DYRK1A: variants seen among roughly 807,000 people sequenced by gnomAD.
The protein encoded by DYRK1A is dual specificity tyrosine phosphorylation regulated kinase 1A, also known as dual specificity tyrosine-phosphorylation-regulated kinase 1A.
DYRK1A carries 9 observed loss-of-function variants against 79.7 expected under a neutral mutation model. The ratio of observed to expected loss-of-function variants is 0.11; its 90% confidence interval spans 0.07 to 0.20. DYRK1A has a LOEUF of 0.20. Among genes scored for constraint, DYRK1A ranks in the 10% least tolerant of loss-of-function variants. The pLI is 1.00. For missense variants in DYRK1A, 622 were observed against 956.0 expected (o/e 0.65, Z 4.61); for synonymous variants, 349 against 329.7 (o/e 1.06, Z -0.63).
intron 5 of DYRK1A, among the ~76,000 whole-genome samples, chr21:37,482,314 G>T (rs1051238260): frequency 2.0e-5 from 3 of 152,052 alleles, no homozygotes; most frequent in South Asian, 2.1e-4. Flanking sequence ...AGCGTCGGCC[G>T]GTTTGAGAAA....
At chr21:37,437,838 C>T (rs2050971346) in intron 2 of DYRK1A, among the ~76,000 whole-genome samples, 1 of 152,110 alleles carries the variant, frequency 6.6e-6, no homozygotes, top group Non-Finnish European at 1.5e-5. Context: ...TTTGTATGGA[C>T]ATATGTTTTT....
At chr21:37,467,341 A>G (rs1025506163) in intron 2 of DYRK1A, among the ~76,000 whole-genome samples, 3 of 152,120 alleles carry the variant, frequency 2.0e-5, no homozygotes, top group African/African-American at 4.8e-5. Flanking sequence ...GTGATCCTCT[A>G]ACCTCAGCCT....
At chr21:37,511,570 T>G (rs566619373) in intron 11 of DYRK1A, among the ~76,000 whole-genome samples, 2 of 152,268 alleles carry the variant, frequency 1.3e-5, no homozygotes, top group South Asian at 4.2e-4. Context: ...AGTAAAGACT[T>G]CCTTTTGGAC....
At chr21:37,373,122 G>C (rs1325724042) in intron 1 of DYRK1A, among the ~76,000 whole-genome samples, 1 of 152,074 alleles carries the variant, frequency 6.6e-6, no homozygotes, top group African/African-American at 2.4e-5. Flanking sequence ...AATCCTTCCT[G>C]ACTACCACTC....
chr21:37,458,958 A>T (rs934904644), intron 2 of DYRK1A, among the ~76,000 whole-genome samples: 1 of 152,128 alleles, frequency 6.6e-6, no homozygotes, highest in Non-Finnish European at 1.5e-5. Flanking sequence ...CAGTCACTGA[A>T]TGTGCTTGCC....
At chr21:37,424,266 A>C (rs1301372440) in intron 2 of DYRK1A, among the ~76,000 whole-genome samples, 7 of 152,084 alleles carry the variant, frequency 4.6e-5, no homozygotes, top group Non-Finnish European at 1.0e-4. Context: ...CTGATTCAAT[A>C]AATTTATTTT....
At chr21:37,502,641 CATAAA>C (rs2053484806) in intron 9 of DYRK1A, 1 of 152,112 alleles carries the variant, frequency 6.6e-6, no homozygotes, top group Non-Finnish European at 1.5e-5. Context: ...TTTAAAAAGA[CATAAA>C]ATAAGGATAA....
intron 5 of DYRK1A, 117 bp downstream of exon 5, chr21:37,480,943 A>G (rs893811438): frequency 3.0e-5 from 22 of 739,034 alleles, no homozygotes; most frequent in African/African-American, 1.1e-4. Flanking sequence ...GAGCTCAGCA[A>G]TGGATATGCA....
intron 1 of DYRK1A, among the ~76,000 whole-genome samples, chr21:37,416,437 G>C (rs1365169815): frequency 7.0e-6 from 1 of 142,888 alleles, no homozygotes; most frequent in Admixed American, 7.5e-5. Context: ...CTTTTTCTCT[G>C]TAATGCTGCT....
At chr21:37,380,721 C>T (rs1569279788) in intron 1 of DYRK1A, among the ~76,000 whole-genome samples, 1 of 151,098 alleles carries the variant, frequency 6.6e-6, no homozygotes, top group African/African-American at 2.4e-5. Context: ...AGAATTGTCT[C>T]TCCTAAAAAA....
At chr21:37,421,281 T>C (rs2050467788) in intron 2 of DYRK1A, among the ~76,000 whole-genome samples, 1 of 152,160 alleles carries the variant, frequency 6.6e-6, no homozygotes, top group Non-Finnish European at 1.5e-5. Flanking sequence ...TGCCTAATTA[T>C]ATCATTGGTG....
intron 9 of DYRK1A, among the ~76,000 whole-genome samples, chr21:37,501,044 G>A (rs1189354247): frequency 6.6e-6 from 1 of 150,874 alleles, no homozygotes; most frequent in African/African-American, 2.4e-5. Context: ...CTTAAAGGTG[G>A]AAACTAGATC....
chr21:37,446,846 G>T (rs1017681483), intron 2 of DYRK1A, among the ~76,000 whole-genome samples: 24 of 152,170 alleles, frequency 1.6e-4, no homozygotes, highest in African/African-American at 4.8e-4. Flanking sequence ...GCCCCACCTT[G>T]TGGCGGTGGA....
At chr21:37,430,673 T>C (rs915880737) in intron 2 of DYRK1A, among the ~76,000 whole-genome samples, 1 of 152,194 alleles carries the variant, frequency 6.6e-6, no homozygotes, top group African/African-American at 2.4e-5. Flanking sequence ...AGATTCTCTT[T>C]CTCTGCTTGC....
chr21:37,511,962 A>G lies in DYRK1A; in HGVS notation c.1696A>G (p.Thr566Ala). ...TGGTTGGTCAGGCACTGAAGCTCCT[A>G]CACAGGTCACTGTTGAAACTCATCC... ...PLGWSGTEAP[T>A]QVTVETHPVQ... is the part of the protein sequence containing the mutation. The change falls in exon 12 of 12, where the codon ACA becomes GCA. Residue 566 changes from threonine (T) to alanine (A), a missense_variant. This residue lies in a region of DYRK1A where 292 missense variants were observed against 316.7 expected (regional missense o/e 0.92). Transcript: ENST00000647188. The G allele has an allele frequency of 6.2e-7, 1 of 1,614,162 alleles. No homozygotes were observed. Among genetic ancestry groups the G allele is most frequent in the Non-Finnish European group, 8.5e-7 (1 of 1,180,008 alleles).
rs1432258240 is a variant in DYRK1A, at chr21:37,519,997, G to C, written c.*7466G>C. On this transcript the variant is annotated 3_prime_UTR_variant, in exon 12 of 12. Coordinates refer to ENST00000647188, the MANE Select transcript of DYRK1A (RefSeq NM_001347721.2). ...CCTGACCTTGTGATCCATCTGCCTT[G>C]GCCTCCCAAAGTGCTGGGATTACAG... 6.6e-5 allele frequency: 10 copies of C among 152,276 alleles called. No individual in the cohort carries two copies. The highest frequency in any genetic ancestry group is 2.2e-4 in the African/African-American group (9 of 41,504). 9.4% of individuals were successfully genotyped at this position (152,276 alleles called of 1,614,324 possible). A position where few individuals can be genotyped will look rare whatever the true frequency, so the allele number is the denominator to read the frequency against.
rs2053813299 is a variant in DYRK1A at position 37,513,276 on chromosome 21, T to C, written c.*745T>C. ...ATAGGATGGAACGTGACTGGTCTCC[T>C]AACCAAGGTGCACTGAGAAGCAATC... On this transcript the variant is annotated 3_prime_UTR_variant, in exon 12 of 12. Coordinates refer to ENST00000647188, the MANE Select transcript of DYRK1A (RefSeq NM_001347721.2). 1 of 152,738 alleles carries C rather than the reference T, an allele frequency of 6.5e-6. No homozygotes were observed. The highest frequency in any genetic ancestry group is 2.1e-4 in the South Asian group (1 of 4,826). The allele number at this position is 152,738 out of a possible 1,614,324, so 9.5% of individuals were successfully genotyped here. A position where few individuals can be genotyped will look rare whatever the true frequency, so the allele number is the denominator to read the frequency against.
At chr21:37,506,336 C>T (rs758579046) in intron 11 of DYRK1A, 113 bp downstream of exon 11, 60 of 1,595,054 alleles carry the variant, frequency 3.8e-5, no homozygotes, top group Non-Finnish European at 5.0e-5. Context: ...AGGTTCATGA[C>T]GTTCCTGTCT....
At chr21:37,371,686 T>C (rs1183582154) in intron 1 of DYRK1A, among the ~76,000 whole-genome samples, 2 of 152,230 alleles carry the variant, frequency 1.3e-5, no homozygotes, top group East Asian at 3.8e-4. Flanking sequence ...GATGCTCATA[T>C]CTGATACATA....
Sources: allele counts gnomAD v4.1 joint callset (sites outside exome capture counted in the v4.1 genomes callset), GRCh38; gene constraint gnomAD v4.1.1; regional missense constraint gnomAD v4.1.1; transcripts MANE v1.5; gene names NCBI Gene and HGNC (gene_info 2026-07-23, HGNC 2026-07-21).